Variants in CHKA observed in about 807,000 individuals in gnomAD.
CHKA encodes choline kinase alpha.
Under a neutral mutation model 60.1 loss-of-function variants are expected in CHKA, and 34 were observed. The observed-to-expected ratio is 0.57, with a 90% confidence interval of 0.43 to 0.75. The LOEUF (loss-of-function observed/expected upper bound fraction) is 0.75. Ranked by LOEUF, CHKA falls within the 30% of genes least tolerant of loss-of-function variation. The probability of loss-of-function intolerance (pLI) is 0.00; values close to 1 mark genes in which losing one functional copy is unlikely to be tolerated. For missense variants in CHKA, 563 were observed against 561.3 expected (o/e 1.00, Z -0.03); for synonymous variants, 217 against 223.1 (o/e 0.97, Z 0.24).
At chr11:68,103,757 C>A (rs945305774) in intron 1 of CHKA, among the ~76,000 whole-genome samples, 2 of 151,268 alleles carry the variant, frequency 1.3e-5, no homozygotes, top group African/African-American at 4.9e-5. Flanking sequence ...ATTAAAAAAA[C>A]AAAAAAATTA....
rs180946292 is a variant in CHKA, at chr11:68,121,339, C to T, written c.-162G>A. On this transcript the variant is annotated 5_prime_UTR_variant, in exon 1 of 12. Coordinates refer to ENST00000265689, the MANE Select transcript of CHKA (RefSeq NM_001277.3). ...GCGGCGGCGGCGGCTGCGGCGACTGCGGCGACTGTGGAGCGGGGATGTGCT... is the reference window on the plus strand; with the variant it reads ...GCGGCGGCGGCGGCTGCGGCGACTGTGGCGACTGTGGAGCGGGGATGTGCT... 6.2e-6 allele frequency: 2 copies of T among 321,674 alleles called. No homozygotes were observed. The highest frequency in any genetic ancestry group is 2.5e-5 in the African/African-American group (1 of 40,222). The allele number at this position is 321,674 out of a possible 1,614,324, so 19.9% of individuals were successfully genotyped here.
intron 1 of CHKA, among the ~76,000 whole-genome samples, chr11:68,107,352 C>T (rs1321694995): frequency 6.6e-6 from 1 of 152,102 alleles, no homozygotes; most frequent in Admixed American, 6.6e-5. Context: ...CAGTTTTTAC[C>T]TATTTTTCCT....
At chr11:68,077,332 T>C (rs560705986) in intron 3 of CHKA, among the ~76,000 whole-genome samples, 1 of 152,280 alleles carries the variant, frequency 6.6e-6, no homozygotes, top group Admixed American at 6.5e-5. Context: ...GTGTACCAAC[T>C]ACTGGTGGTC....
chr11:68,111,222 G>T (rs901293962), intron 1 of CHKA, among the ~76,000 whole-genome samples: 4 of 151,664 alleles, frequency 2.6e-5, no homozygotes, highest in Non-Finnish European at 5.9e-5. Flanking sequence ...GACCAGCCTG[G>T]CCAACATGGT....
intron 3 of CHKA, among the ~76,000 whole-genome samples, chr11:68,078,719 TGAG>T (rs1856871007): frequency 1.3e-5 from 2 of 152,136 alleles, no homozygotes; most frequent in African/African-American, 4.8e-5. Context: ...AAGCTGAAAT[TGAG>T]GAGACATTTC....
chr11:68,058,255 C>A (rs565095985), intron 11 of CHKA, among the ~76,000 whole-genome samples: 11 of 152,170 alleles, frequency 7.2e-5, no homozygotes, highest in African/African-American at 2.7e-4. Context: ...AGTCTTATAA[C>A]CAGGTAGTAG....
intron 2 of CHKA, among the ~76,000 whole-genome samples, chr11:68,084,716 TATAG>T (rs1346016728): frequency 2.6e-5 from 4 of 152,110 alleles, no homozygotes. Flanking sequence ...AATCATCTTA[TATAG>T]ATACAGACTG....
chr11:68,098,384 C>T (rs750080085), intron 1 of CHKA, among the ~76,000 whole-genome samples: 2 of 151,870 alleles, frequency 1.3e-5, no homozygotes, highest in Non-Finnish European at 2.9e-5. Flanking sequence ...ACCTCTATGA[C>T]ACAAACATCT....
chr11:68,098,631 T>A (rs1857592910), intron 1 of CHKA, among the ~76,000 whole-genome samples: 1 of 152,186 alleles, frequency 6.6e-6, no homozygotes, highest in South Asian at 2.1e-4. Flanking sequence ...ACTATATATT[T>A]TTAAATTGTT....
intron 1 of CHKA, among the ~76,000 whole-genome samples, chr11:68,103,693 C>A (rs1857808010): frequency 1.3e-5 from 2 of 151,906 alleles, no homozygotes; most frequent in South Asian, 4.1e-4. Context: ...GGGCAGATCA[C>A]CTGAGGTCGG....
At chr11:68,072,522 T>C (rs976489682) in intron 4 of CHKA, among the ~76,000 whole-genome samples, 3 of 135,756 alleles carry the variant, frequency 2.2e-5, no homozygotes, top group East Asian at 2.2e-4. Flanking sequence ...TACTTCACTA[T>C]ACTGGGCAAT....
intron 1 of CHKA, among the ~76,000 whole-genome samples, chr11:68,100,930 A>G (rs1394892561): frequency 6.7e-6 from 1 of 148,692 alleles, no homozygotes; most frequent in Non-Finnish European, 1.5e-5. Context: ...AGCAGTATAA[A>G]GAGGTTCTTT....
intron 11 of CHKA, 119 bp downstream of exon 11, chr11:68,061,834 G>A (rs905543800): frequency 7.8e-6 from 6 of 770,572 alleles, no homozygotes; most frequent in Non-Finnish European, 1.3e-5. Flanking sequence ...TCGGGTACTT[G>A]GGGAGACAGA....
intron 1 of CHKA, among the ~76,000 whole-genome samples, chr11:68,109,021 G>A (rs970770736): frequency 1.9e-5 from 2 of 102,970 alleles, no homozygotes; most frequent in African/African-American, 3.3e-5. Context: ...AACTGAGGGG[G>A]GGAAAAAATC....
chr11:68,062,625 C>T (rs1358005160), intron 10 of CHKA, among the ~76,000 whole-genome samples: 1 of 152,166 alleles, frequency 6.6e-6, no homozygotes, highest in Non-Finnish European at 1.5e-5. Flanking sequence ...CAAACAATAC[C>T]CTGAGGGCTC....
In CHKA at chr11:68,065,811, C is replaced by T. The variant is rs182680057; in HGVS notation, c.1100G>A (p.Arg367Gln). The T allele has an allele frequency of 1.8e-5, 29 of 1,599,856 alleles. No individual in the cohort carries two copies. The South Asian group carries it at 2.3e-4, about 13-fold the overall frequency. Residue 367 changes from arginine to glutamine, a missense_variant, in exon 9 of 12, where the codon CGG becomes CAG. Coordinates refer to ENST00000265689, the MANE Select transcript of CHKA (RefSeq NM_001277.3). ...EKYPFFRANI[R>Q]KYPTKKQQLH... Reference sequence around the variant, plus strand: ...CTGTTGTTTCTTGGTGGGATACTTCCGGATGTTTGCTCTGAAAAAAGGGTA... The same window carrying T: ...CTGTTGTTTCTTGGTGGGATACTTCTGGATGTTTGCTCTGAAAAAAGGGTA...
intron 1 of CHKA, among the ~76,000 whole-genome samples, chr11:68,117,603 C>G (rs556371704): frequency 1.3e-5 from 2 of 152,224 alleles, no homozygotes; most frequent in Non-Finnish European, 2.9e-5. Flanking sequence ...ACAAGAATCG[C>G]TCGAACCCAG....
intron 1 of CHKA, among the ~76,000 whole-genome samples, chr11:68,111,696 G>A (rs1251646389): frequency 6.6e-6 from 1 of 152,104 alleles, no homozygotes; most frequent in Non-Finnish European, 1.5e-5. Flanking sequence ...CTTTCACAAA[G>A]GAGCAAAGGC....
chr11:68,062,307 T>C (rs1856278910), intron 10 of CHKA, among the ~76,000 whole-genome samples: 1 of 152,222 alleles, frequency 6.6e-6, no homozygotes, highest in Non-Finnish European at 1.5e-5. Flanking sequence ...CACTTGGCCA[T>C]AATATATTCA....
Sources: allele counts gnomAD v4.1 joint callset (sites outside exome capture counted in the v4.1 genomes callset), GRCh38; gene constraint gnomAD v4.1.1; transcripts MANE v1.5; gene names NCBI Gene and HGNC (gene_info 2026-07-23, HGNC 2026-07-21).